Variants in OXR1 observed in about 807,000 individuals in gnomAD.
OXR1 encodes the protein oxidation resistance protein 1.
OXR1 carries 41 observed loss-of-function variants against 104.6 expected under a neutral mutation model. The observed-to-expected ratio is 0.39, with a 90% CI of 0.31 to 0.51. OXR1 has a LOEUF of 0.51. OXR1 is among the 20% of genes least tolerant of loss of function. The pLI is 0.77. For missense variants in OXR1, 955 were observed against 1,031.9 expected (o/e 0.93, Z 1.02); for synonymous variants, 348 against 348.4 (o/e 1.00, Z 0.01).
At chr8:106,707,990 TA>T (rs1306518218) in intron 9 of OXR1, among the ~76,000 whole-genome samples, 2 of 152,206 alleles carry the variant, frequency 1.3e-5, no homozygotes, top group African/African-American at 4.8e-5. Context: ...AGCATTTTTA[TA>T]TCTACAATGC....
Position 106,740,436 on chromosome 8 carries a change from C to T in OXR1, c.2257C>T (p.Arg753Ter), listed in dbSNP as rs763823640. 3 of 1,613,010 alleles carry T rather than the reference C, an allele frequency of 1.9e-6. No homozygotes were observed. Among genetic ancestry groups the T allele is most frequent in the African/African-American group, 1.3e-5 (1 of 74,906 alleles). ...TGGCACAAGCTTGAAAACTCTTTAT[C>T]GAACAATGACAGGTTTAGACACCCC... is the stretch of plus-strand genomic sequence containing the variant. ...KHGTSLKTLY[R>*]TMTGLDTPVL... The change falls in exon 14 of 17, where the codon CGA becomes TGA. Residue 753 changes from arginine (R) to a stop codon, truncating the protein, a stop_gained. Transcript: ENST00000517566. LOFTEE classifies it high-confidence loss of function.
chr8:106,549,862 A>AACAT lies in OXR1; in HGVS notation c.220+30725_220+30728dup, dbSNP rs1302289613. 2.0e-4 allele frequency among the ~76,000 whole-genome samples: 30 copies of AACAT among 152,202 alleles called. 1 individual carries two copies. The highest frequency in any genetic ancestry group is 1.2e-3 in the Admixed American group (19 of 15,282). On this transcript the variant is annotated intron_variant, in intron 3 of 16. Transcript: ENST00000517566. ...ACCATCACTTTTTGTGTTAAGTGTC[A>AACAT]ACATATGACTTTTGGACAACACAAA...
At chr8:106,602,165 G>A (rs939797658) in intron 3 of OXR1, among the ~76,000 whole-genome samples, 2 of 152,178 alleles carry the variant, frequency 1.3e-5, no homozygotes, top group South Asian at 4.1e-4. Flanking sequence ...AGGATTCCTA[G>A]CCCACAAAAC....
chr8:106,391,663 C>T (rs1253330087), intron 2 of OXR1, among the ~76,000 whole-genome samples: 3 of 152,000 alleles, frequency 2.0e-5, no homozygotes, highest in Non-Finnish European at 4.4e-5. Context: ...TTTGTGCATT[C>T]TTTTGAGCTC....
intron 3 of OXR1, among the ~76,000 whole-genome samples, chr8:106,585,082 A>G (rs1818529028): frequency 6.6e-6 from 1 of 152,158 alleles, no homozygotes; most frequent in Non-Finnish European, 1.5e-5. Flanking sequence ...ACTCAACTTG[A>G]ATAATGGTTA....
At chr8:106,573,049 G>A (rs192966426) in intron 3 of OXR1, among the ~76,000 whole-genome samples, 2 of 152,202 alleles carry the variant, frequency 1.3e-5, no homozygotes, top group Admixed American at 1.3e-4. Flanking sequence ...AAAACTGGGT[G>A]TTTCAGTCAG....
At chr8:106,476,233 G>T (rs981432128) in intron 2 of OXR1, among the ~76,000 whole-genome samples, 2 of 151,886 alleles carry the variant, frequency 1.3e-5, no homozygotes, top group African/African-American at 4.8e-5. Context: ...AGCATCTTCA[G>T]TTGAACTCAT....
intron 2 of OXR1, among the ~76,000 whole-genome samples, chr8:106,493,537 T>C (rs1210519200): frequency 6.6e-6 from 1 of 152,154 alleles, no homozygotes; most frequent in Non-Finnish European, 1.5e-5. Context: ...AACTTCCCGT[T>C]TGATTCTTTC....
chr8:106,621,137 G>T (rs1004364282), intron 3 of OXR1, among the ~76,000 whole-genome samples: 1 of 152,104 alleles, frequency 6.6e-6, no homozygotes, highest in East Asian at 1.9e-4. Flanking sequence ...CTGAATGCAT[G>T]CCAATCTCTG....
intron 16 of OXR1, among the ~76,000 whole-genome samples, chr8:106,747,667 C>T (rs895224668): frequency 1.3e-5 from 2 of 152,166 alleles, no homozygotes; most frequent in African/African-American, 4.8e-5. Context: ...ATTTGGATAT[C>T]ACATACCTTT....
rs1835846145 is a variant in OXR1 at position 106,750,888 on chromosome 8, T to G, written c.2569T>G (p.Ser857Ala). The change falls in exon 17 of 17, where the codon TCT becomes GCT. Residue 857 changes from serine to alanine, a missense_variant. Ser to Ala is a moderately conservative substitution (Grantham distance 99). This residue lies in a region of OXR1 where 106 missense variants were observed against 179.0 expected (regional missense o/e 0.59). Transcript: ENST00000517566. ...TAAAACGTTTGGGAATCGTACACTTTCTAAGAAGGAAGATTTCTTTATCCA... is the reference window on the plus strand; with the variant it reads ...TAAAACGTTTGGGAATCGTACACTTGCTAAGAAGGAAGATTTCTTTATCCA... ...SCKTFGNRTL[S>A]KKEDFFIQDI... 2 of 1,607,562 alleles carry G rather than the reference T, an allele frequency of 1.2e-6. No homozygotes were observed. Among genetic ancestry groups the G allele is most frequent in the Non-Finnish European group, 8.5e-7 (1 of 1,175,334 alleles).
chr8:106,646,515 A>G (rs1242660454), intron 3 of OXR1, among the ~76,000 whole-genome samples: 1 of 152,224 alleles, frequency 6.6e-6, no homozygotes, highest in African/African-American at 2.4e-5. Context: ...AGTACTTAAT[A>G]TACCACAAAA....
chr8:106,422,602 G>GT lies in OXR1; in HGVS notation c.23+62967dup, dbSNP rs199953280. On this transcript the variant is annotated intron_variant, in intron 2 of 16. Transcript: ENST00000517566. ...ATAATTTTCCATTTGTTTTTCACTT[G>GT]TATCATTTCACATGAAGAGCCGTAT... 1.2e-3 allele frequency among the ~76,000 whole-genome samples: 187 copies of GT among 151,968 alleles called. 6 individuals are homozygous for GT. The East Asian group carries it at 0.029, about 23-fold the overall frequency.
chr8:106,283,220 T>C (rs1315213438), intron 1 of OXR1, among the ~76,000 whole-genome samples: 1 of 152,224 alleles, frequency 6.6e-6, no homozygotes, highest in Non-Finnish European at 1.5e-5. Context: ...CTGTGGGCTT[T>C]CTACAGGGCT....
chr8:106,438,059 C>A (rs1453217), intron 2 of OXR1, among the ~76,000 whole-genome samples: 34,416 of 152,070 alleles, frequency 0.23, 5,410 homozygotes, highest in African/African-American at 0.42. Flanking sequence ...AGGACAAACA[C>A]CCACTTTAGA....
At chr8:106,679,950 G>T (rs140410148) in intron 4 of OXR1, among the ~76,000 whole-genome samples, 4 of 151,976 alleles carry the variant, frequency 2.6e-5, no homozygotes, top group Admixed American at 6.6e-5. Flanking sequence ...ACTTTTAACT[G>T]AGCTTAATTT....
intron 7 of OXR1, among the ~76,000 whole-genome samples, chr8:106,695,225 T>G (rs1296812588): frequency 6.6e-6 from 1 of 151,604 alleles, no homozygotes; most frequent in Admixed American, 6.6e-5. Context: ...CACTTACTTA[T>G]TCCCTACACT....
At chr8:106,558,694 A>G (rs1586809899) in intron 3 of OXR1, among the ~76,000 whole-genome samples, 1 of 152,188 alleles carries the variant, frequency 6.6e-6, no homozygotes, top group Admixed American at 6.5e-5. Context: ...ATTAGGAACA[A>G]CCTTATTGCA....
intron 2 of OXR1, among the ~76,000 whole-genome samples, chr8:106,372,040 T>A (rs1032396693): frequency 6.6e-6 from 1 of 152,222 alleles, no homozygotes. Flanking sequence ...CAGTCACAAC[T>A]GTGCTGGTTG....
Sources: gnomAD v4.1 joint callset for allele counts (sites outside exome capture counted in the v4.1 genomes callset) on GRCh38, gnomAD v4.1.1 for gene constraint, gnomAD v4.1.1 regional missense constraint, MANE v1.5 for transcripts, NCBI Gene and HGNC (gene_info 2026-07-23, HGNC 2026-07-21) for gene names.